Variants in CDH9 observed in about 807,000 individuals in gnomAD.
The protein encoded by CDH9 is cadherin 9.
CDH9 carries 28 observed loss-of-function variants against 70.9 expected under a neutral mutation model. The observed-to-expected ratio is 0.40, with a 90% CI of 0.29 to 0.54. The LOEUF (loss-of-function observed/expected upper bound fraction) is 0.54, where lower values mean the gene tolerates loss of function less well. Ranked by LOEUF, CDH9 falls within the 20% of genes least tolerant of loss-of-function variation. The pLI is 0.59. For missense variants in CDH9, 874 were observed against 984.4 expected, an observed-to-expected ratio of 0.89 and a Z score of 1.50; for synonymous variants, 409 against 343.1, an observed-to-expected ratio of 1.19 and a Z score of -2.12.
chr5:26,990,213 G>T (rs1742558189), intron 1 of CDH9, among the ~76,000 whole-genome samples: 1 of 152,124 alleles, frequency 6.6e-6, no homozygotes, highest in Admixed American at 6.6e-5. Flanking sequence ...ATAGAGACAT[G>T]GGTCCAACTC....
chr5:26,909,657 G>A (rs886771422), intron 3 of CDH9, among the ~76,000 whole-genome samples: 4 of 150,730 alleles, frequency 2.7e-5, no homozygotes, highest in Non-Finnish European at 4.4e-5. Context: ...TCTAGTATTC[G>A]CGAGACCATT....
intron 2 of CDH9, among the ~76,000 whole-genome samples, chr5:26,949,724 G>C (rs189631387): frequency 6.6e-6 from 1 of 152,144 alleles, no homozygotes; most frequent in Non-Finnish European, 1.5e-5. Flanking sequence ...TTCCTAGAAG[G>C]TTGTCAGCAT....
At chr5:26,936,176 A>G (rs983356207) in intron 2 of CDH9, among the ~76,000 whole-genome samples, 1 of 152,040 alleles carries the variant, frequency 6.6e-6, no homozygotes, top group African/African-American at 2.4e-5. Flanking sequence ...GTACACCAAA[A>G]TCTCAGAAAT....
chr5:26,996,764 A>G (rs1022801472), intron 1 of CDH9, among the ~76,000 whole-genome samples: 1 of 151,206 alleles, frequency 6.6e-6, no homozygotes, highest in Non-Finnish European at 1.5e-5. Context: ...ATCTATATCT[A>G]TAGATTTATA....
chr5:26,950,458 GA>G (rs1305048648), intron 2 of CDH9, among the ~76,000 whole-genome samples: 6 of 152,134 alleles, frequency 3.9e-5, no homozygotes, highest in African/African-American at 1.4e-4. Context: ...TTTATGTTCT[GA>G]ATAGAAGTCA....
intron 11 of CDH9, 91 bp downstream of exon 11, chr5:26,885,523 A>C: frequency 9.8e-7 from 1 of 1,022,584 alleles, no homozygotes; most frequent in Non-Finnish European, 1.5e-6. Flanking sequence ...ATCTTTATCT[A>C]TAGAGAAAAT....
At chr5:26,952,253 C>T (rs1199963867) in intron 2 of CDH9, among the ~76,000 whole-genome samples, 2 of 149,328 alleles carry the variant, frequency 1.3e-5, no homozygotes, top group Non-Finnish European at 3.0e-5. Context: ...CGTGAGCCAC[C>T]GCGCCCAGAC....
intron 1 of CDH9, among the ~76,000 whole-genome samples, chr5:27,034,349 C>G (rs1743356281): frequency 6.6e-6 from 1 of 151,504 alleles, no homozygotes; most frequent in South Asian, 2.1e-4. Flanking sequence ...ATCATATGCT[C>G]GTGTTTCATC....
At position 26,953,203 on chromosome 5, in the gene CDH9, C is replaced by T. The variant is rs530841001; in HGVS notation, c.228+34903G>A. On this transcript the variant is annotated intron_variant, in intron 2 of 11. Transcript: ENST00000231021. ...TTCTTTAGAAAACCTAATGAGCCAA[C>T]CATTTGACACATACAGATTATACTC... is the stretch of plus-strand genomic sequence containing the variant. Among the ~76,000 whole-genome samples the T allele has an allele frequency of 1.3e-3, 197 of 152,136 alleles. 1 individual carries two copies. Among genetic ancestry groups the T allele is most frequent in the African/African-American group, 4.6e-3 (191 of 41,494 alleles).
At chr5:27,000,925 A>G (rs753244732) in intron 1 of CDH9, among the ~76,000 whole-genome samples, 1 of 152,144 alleles carries the variant, frequency 6.6e-6, no homozygotes, top group African/African-American at 2.4e-5. Flanking sequence ...CTTTGCATAT[A>G]GTAAAAGATG....
At chr5:27,021,173 A>C (rs889639111) in intron 1 of CDH9, among the ~76,000 whole-genome samples, 2 of 151,788 alleles carry the variant, frequency 1.3e-5, no homozygotes, top group Admixed American at 6.6e-5. Flanking sequence ...GGCCATCCAA[A>C]AGAGGGAGCT....
chr5:26,957,778 T>C (rs910748361), intron 2 of CDH9, among the ~76,000 whole-genome samples: 5 of 152,330 alleles, frequency 3.3e-5, no homozygotes, highest in South Asian at 2.1e-4. Context: ...GATTCCATGG[T>C]ATAAAAATGT....
chr5:26,977,941 A>C (rs1742330367), intron 2 of CDH9, among the ~76,000 whole-genome samples: 1 of 152,116 alleles, frequency 6.6e-6, no homozygotes. Context: ...CTGTACTAAG[A>C]AGGGTTACAC....
rs561095743 is a variant in CDH9 at position 26,969,914 on chromosome 5, G to A, written c.228+18192C>T. Reference sequence around the variant, plus strand: ...TGTGTGTATGTCTGTGAGTGCATATGTACAAATATATATATATATATAATA... The same window carrying A: ...TGTGTGTATGTCTGTGAGTGCATATATACAAATATATATATATATATAATA... On this transcript the variant is annotated intron_variant, in intron 2 of 11. Coordinates refer to ENST00000231021, the MANE Select transcript of CDH9 (RefSeq NM_016279.4). Among the ~76,000 whole-genome samples the A allele has an allele frequency of 1.9e-3, 275 of 148,092 alleles. 1 individual carries two copies. Among genetic ancestry groups the A allele is most frequent in the African/African-American group, 6.4e-3 (255 of 40,064 alleles).
At chr5:26,944,525 T>A (rs372143490) in intron 2 of CDH9, among the ~76,000 whole-genome samples, 1 of 152,076 alleles carries the variant, frequency 6.6e-6, no homozygotes, top group East Asian at 1.9e-4. Context: ...TAGTGGCACA[T>A]GCCTGTAGTT....
At position 26,883,041 on chromosome 5, in the gene CDH9, TTATATATATATATATATATA is replaced by T. The variant is rs59145200; in HGVS notation, c.1883-1438_1883-1419del. The stretch of plus-strand genomic sequence containing the variant: ...AAGCTGAGCTATATTCAGGATCATC[TTATATATATATATATATATA>T]TATATATATATATATATATATATAT... On this transcript the variant is annotated intron_variant, in intron 11 of 11. Transcript: ENST00000231021. 5.3e-3 allele frequency among the ~76,000 whole-genome samples: 310 copies of T among 58,020 alleles called. 15 individuals are homozygous for T. The highest frequency in any genetic ancestry group is 0.011 in the African/African-American group (175 of 15,236). 38.1% of individuals were successfully genotyped at this position (58,020 alleles called of 152,430 possible). A position where few individuals can be genotyped will look rare whatever the true frequency, so the allele number is the denominator to read the frequency against.
intron 1 of CDH9, among the ~76,000 whole-genome samples, chr5:27,003,824 T>C (rs1742811791): frequency 6.6e-6 from 1 of 151,950 alleles, no homozygotes; most frequent in East Asian, 1.9e-4. Context: ...ACATAGGAGG[T>C]ATAAATTAAG....
chr5:27,031,742 C>A (rs1429860674), intron 1 of CDH9, among the ~76,000 whole-genome samples: 1 of 151,866 alleles, frequency 6.6e-6, no homozygotes, highest in Non-Finnish European at 1.5e-5. Context: ...CAACATTTTT[C>A]AATGTAAACG....
At chr5:27,008,557 C>A (rs1299680350) in intron 1 of CDH9, among the ~76,000 whole-genome samples, 2 of 151,922 alleles carry the variant, frequency 1.3e-5, no homozygotes, top group Admixed American at 1.3e-4. Context: ...AAATTACAGT[C>A]TTTTTCTTTC....
Sources: allele counts gnomAD v4.1 joint callset (sites outside exome capture counted in the v4.1 genomes callset), GRCh38; gene constraint gnomAD v4.1.1; transcripts MANE v1.5; gene names NCBI Gene and HGNC (gene_info 2026-07-23, HGNC 2026-07-21).